ZBTB20: variants seen among roughly 807,000 people sequenced by gnomAD.
The protein encoded by ZBTB20 is zinc finger and BTB domain containing 20, also known as zinc finger and BTB domain-containing protein 20.
In ZBTB20, 9 loss-of-function variants were observed where a neutral mutation model predicts 56.9. The observed-to-expected ratio is 0.16, with a 90% CI of 0.10 to 0.28. ZBTB20 has a LOEUF of 0.28. Among genes scored for constraint, ZBTB20 ranks in the 10% least tolerant of loss-of-function variants. ZBTB20 has a pLI of 1.00. For synonymous variants in ZBTB20, 417 were observed against 420.7 expected (o/e 0.99, Z 0.11); for missense variants, 655 against 1,003.0 (o/e 0.65, Z 4.69).
intron 6 of ZBTB20, among the ~76,000 whole-genome samples, chr3:114,500,754 A>T (rs558452753): frequency 6.6e-6 from 1 of 152,348 alleles, no homozygotes; most frequent in African/African-American, 2.4e-5. Flanking sequence ...TTTAAATTTA[A>T]ATTATTTAAC....
intron 6 of ZBTB20, among the ~76,000 whole-genome samples, chr3:114,631,697 G>A (rs984819387): frequency 5.3e-5 from 8 of 151,778 alleles, no homozygotes; most frequent in African/African-American, 1.5e-4. Context: ...GCAAAATATA[G>A]GTTACTGTTT....
chr3:114,431,503 A>C (rs2090119402), intron 7 of ZBTB20, among the ~76,000 whole-genome samples: 1 of 152,250 alleles, frequency 6.6e-6, no homozygotes, highest in Non-Finnish European at 1.5e-5. Context: ...CTAATGATTC[A>C]TTATGTTAAA....
At chr3:114,648,424 A>G (rs2059961357) in intron 6 of ZBTB20, among the ~76,000 whole-genome samples, 1 of 152,000 alleles carries the variant, frequency 6.6e-6, no homozygotes, top group Non-Finnish European at 1.5e-5. Flanking sequence ...TTTATTTATT[A>G]AAGGAAAACT....
intron 1 of ZBTB20, among the ~76,000 whole-genome samples, chr3:115,126,549 C>A (rs1333991267): frequency 6.6e-6 from 1 of 151,846 alleles, no homozygotes; most frequent in Non-Finnish European, 1.5e-5. Context: ...TACAATTACA[C>A]ACAACATGGG....
At chr3:114,823,288 G>C (rs914436407) in intron 4 of ZBTB20, among the ~76,000 whole-genome samples, 2 of 152,090 alleles carry the variant, frequency 1.3e-5, no homozygotes, top group South Asian at 2.1e-4. Flanking sequence ...TGTTGCCCTG[G>C]AGTAGTGTAC....
intron 7 of ZBTB20, among the ~76,000 whole-genome samples, chr3:114,402,633 T>C (rs1474751960): frequency 6.6e-6 from 1 of 152,134 alleles, no homozygotes; most frequent in Non-Finnish European, 1.5e-5. Context: ...ATCACAGAGG[T>C]GGAACATGGC....
intron 7 of ZBTB20, among the ~76,000 whole-genome samples, chr3:114,457,710 C>T (rs2092104112): frequency 6.6e-6 from 1 of 152,080 alleles, no homozygotes; most frequent in Admixed American, 6.5e-5. Context: ...CACAAGAATC[C>T]TATGAATGAG....
rs1294077773 is a variant in ZBTB20, at chr3:114,339,965, G to A, written c.1805-539C>T. Among the ~76,000 whole-genome samples the A allele has an allele frequency of 6.6e-6, 1 of 152,156 alleles. No individual in the cohort carries two copies. The highest frequency in any genetic ancestry group is 6.5e-5 in the Admixed American group (1 of 15,278). ...AGAAATACACCTATGTGTTGATTGT[G>A]AGTTTGGAAAATATTTGCCAACACA... is the stretch of plus-strand genomic sequence containing the variant. On this transcript the variant is annotated intron_variant, in intron 11 of 11. Coordinates refer to ENST00000675478, the MANE Select transcript of ZBTB20 (RefSeq NM_001348800.3). The surrounding 1 kb of genome is among the most constrained non-coding windows in gnomAD (Gnocchi z 4.2).
chr3:114,662,711 A>T (rs1560099473), intron 6 of ZBTB20, among the ~76,000 whole-genome samples: 3 of 146,822 alleles, frequency 2.0e-5, no homozygotes, highest in Non-Finnish European at 1.5e-5. Flanking sequence ...TTCTTTTGAG[A>T]AGTGTCTGTT....
intron 5 of ZBTB20, among the ~76,000 whole-genome samples, chr3:114,715,232 T>C (rs1367190905): frequency 2.6e-5 from 4 of 152,224 alleles, no homozygotes; most frequent in African/African-American, 9.6e-5. Context: ...TTTATTTTAT[T>C]GCTTTTATAC....
intron 3 of ZBTB20, among the ~76,000 whole-genome samples, chr3:114,914,589 C>T (rs1367296985): frequency 6.6e-6 from 1 of 151,888 alleles, no homozygotes; most frequent in African/African-American, 2.4e-5. Flanking sequence ...ACTATGACTT[C>T]TAGTTTTATG....
At chr3:114,408,927 C>G (rs577766079) in intron 7 of ZBTB20, among the ~76,000 whole-genome samples, 1 of 152,044 alleles carries the variant, frequency 6.6e-6, no homozygotes, top group East Asian at 1.9e-4. Flanking sequence ...GAGCAGCGCT[C>G]GTCCGCCGTC....
intron 6 of ZBTB20, among the ~76,000 whole-genome samples, chr3:114,669,257 T>G (rs1229051272): frequency 6.6e-6 from 1 of 152,030 alleles, no homozygotes; most frequent in Non-Finnish European, 1.5e-5. Context: ...AGTGCCACTG[T>G]TGAAAAACCC....
At chr3:114,347,401 G>A (rs1269607646) in intron 11 of ZBTB20, among the ~76,000 whole-genome samples, 1 of 152,062 alleles carries the variant, frequency 6.6e-6, no homozygotes, top group Non-Finnish European at 1.5e-5. Context: ...TAGAGTATGG[G>A]TGGGAACACA....
chr3:114,530,835 C>T (rs1036394446), intron 6 of ZBTB20, among the ~76,000 whole-genome samples: 4 of 152,098 alleles, frequency 2.6e-5, no homozygotes, highest in African/African-American at 9.7e-5. Flanking sequence ...AATACTTCAT[C>T]CCTGGTTTCC....
At chr3:114,426,336 T>C in intron 7 of ZBTB20, among the ~76,000 whole-genome samples, 1 of 47,178 alleles carries the variant, frequency 2.1e-5, no homozygotes. Context: ...AGACTCCATC[T>C]CAAAAAAAAA....
intron 6 of ZBTB20, among the ~76,000 whole-genome samples, chr3:114,685,502 T>G (rs957386437): frequency 6.6e-6 from 1 of 152,252 alleles, no homozygotes; most frequent in Non-Finnish European, 1.5e-5. Context: ...CTACGCAATG[T>G]GCAGCTGGGA....
rs565249277 is a variant in ZBTB20 at position 114,490,284 on chromosome 3, C to T, written c.-255+10068G>A. ...TCGCCTGAGCTGGTGTGCAGTGGTG[C>T]GATCTCGGCTTGCTGCAATCCCTGC... On this transcript the variant is annotated intron_variant, in intron 7 of 11. Coordinates refer to ENST00000675478, the MANE Select transcript of ZBTB20 (RefSeq NM_001348800.3). 2.6e-5 allele frequency among the ~76,000 whole-genome samples: 4 copies of T among 151,936 alleles called. No individual in the cohort carries two copies. The South Asian group carries it at 6.3e-4, about 24-fold the overall frequency.
intron 6 of ZBTB20, among the ~76,000 whole-genome samples, chr3:114,516,650 G>A (rs930755375): frequency 6.6e-6 from 1 of 152,202 alleles, no homozygotes; most frequent in Non-Finnish European, 1.5e-5. Flanking sequence ...ATGAGGTCAT[G>A]CTGTAGAGTG....
Sources: gnomAD v4.1 joint callset for allele counts (sites outside exome capture counted in the v4.1 genomes callset) on GRCh38, gnomAD v4.1.1 for gene constraint, Gnocchi (gnomAD v3.1) non-coding constraint, MANE v1.5 for transcripts, NCBI Gene and HGNC (gene_info 2026-07-23, HGNC 2026-07-21) for gene names.